PALM2AKAP2: variants seen among roughly 807,000 people sequenced by gnomAD.
PALM2AKAP2 encodes PALM2 and AKAP2 fusion.
PALM2AKAP2 carries 37 observed loss-of-function variants against 71.5 expected under a neutral mutation model. The observed-to-expected ratio is 0.52, with a 90% CI of 0.40 to 0.68. The LOEUF (loss-of-function observed/expected upper bound fraction) is 0.68, where lower values mean the gene tolerates loss of function less well. Ranked by LOEUF, PALM2AKAP2 falls within the 30% of genes least tolerant of loss-of-function variation. PALM2AKAP2 has a pLI of 0.00. For synonymous variants in PALM2AKAP2, 468 were observed against 478.8 expected (o/e 0.98, Z 0.29); for missense variants, 1,224 against 1,191.8 (o/e 1.03, Z -0.40).
intron 6 of PALM2AKAP2, among the ~76,000 whole-genome samples, chr9:109,987,096 C>T (rs1588045762): frequency 6.6e-6 from 1 of 152,076 alleles, no homozygotes; most frequent in Non-Finnish European, 1.5e-5. Context: ...GGATCATGCA[C>T]CTACCCGTTA....
At chr9:110,103,040 C>T (rs1327234788) in intron 1 of PALM2AKAP2, among the ~76,000 whole-genome samples, 1 of 152,186 alleles carries the variant, frequency 6.6e-6, no homozygotes, top group African/African-American at 2.4e-5. Flanking sequence ...TCTACCCACC[C>T]TTTGTGACTT....
At chr9:109,681,568 A>T (rs1827734061) in intron 1 of PALM2AKAP2, among the ~76,000 whole-genome samples, 1 of 152,182 alleles carries the variant, frequency 6.6e-6, no homozygotes, top group Non-Finnish European at 1.5e-5. Flanking sequence ...CCTAATTATG[A>T]GACAAGGTAA....
At chr9:109,774,246 G>A (rs944698100) in intron 1 of PALM2AKAP2, among the ~76,000 whole-genome samples, 4 of 152,168 alleles carry the variant, frequency 2.6e-5, no homozygotes, top group African/African-American at 7.2e-5. Flanking sequence ...CCAATGACCT[G>A]ACTGTGTCTA....
chr9:110,000,808 C>A (rs1030635510), intron 6 of PALM2AKAP2, among the ~76,000 whole-genome samples: 2 of 152,162 alleles, frequency 1.3e-5, no homozygotes, highest in African/African-American at 4.8e-5. Flanking sequence ...GCATAAATGT[C>A]TCCTTTTGAG....
intron 1 of PALM2AKAP2, among the ~76,000 whole-genome samples, chr9:110,116,365 T>C (rs1462944240): frequency 1.3e-5 from 2 of 151,354 alleles, no homozygotes; most frequent in African/African-American, 2.4e-5. Context: ...CGTGTGTGCG[T>C]GTGTGTGTGC....
chr9:110,131,384 T>C (rs570893842), intron 1 of PALM2AKAP2, among the ~76,000 whole-genome samples: 4 of 152,360 alleles, frequency 2.6e-5, no homozygotes, highest in Non-Finnish European at 5.9e-5. Flanking sequence ...CATTGGGGCA[T>C]AGTTCATTTC....
chr9:110,116,373 T>TGC (rs1564313628), intron 1 of PALM2AKAP2, among the ~76,000 whole-genome samples: 1 of 151,902 alleles, frequency 6.6e-6, no homozygotes, highest in South Asian at 2.1e-4. Flanking sequence ...CGTGTGTGTG[T>TGC]GCGTGTGTGT....
At chr9:110,086,069 T>G (rs1834564922) in intron 1 of PALM2AKAP2, among the ~76,000 whole-genome samples, 1 of 144,826 alleles carries the variant, frequency 6.9e-6, no homozygotes, top group South Asian at 2.1e-4. Context: ...ATTGCACTAC[T>G]GCACTCCACC....
At chr9:109,870,274 G>A (rs1829570292) in intron 2 of PALM2AKAP2, among the ~76,000 whole-genome samples, 1 of 152,180 alleles carries the variant, frequency 6.6e-6, no homozygotes, top group East Asian at 1.9e-4. Context: ...TTAGGCACTA[G>A]GAAGGAATAT....
At chr9:109,797,566 G>A (rs10759363) in intron 1 of PALM2AKAP2, among the ~76,000 whole-genome samples, 27,237 of 152,176 alleles carry the variant, frequency 0.18, 2,848 homozygotes, top group East Asian at 0.34. Flanking sequence ...TGGGACTGCT[G>A]GGACCTTTAC....
intron 7 of PALM2AKAP2, among the ~76,000 whole-genome samples, chr9:110,036,105 T>G (rs540440776): frequency 6.6e-6 from 1 of 152,010 alleles, no homozygotes; most frequent in East Asian, 1.9e-4. Flanking sequence ...GGCTAGTTTT[T>G]TTGGTATTTT....
intron 6 of PALM2AKAP2, among the ~76,000 whole-genome samples, chr9:109,981,665 T>C (rs1437107549): frequency 6.6e-6 from 1 of 152,226 alleles, no homozygotes; most frequent in Non-Finnish European, 1.5e-5. Flanking sequence ...TGTTTTTGTT[T>C]TTGAGATAGG....
rs192768625 is a variant in PALM2AKAP2 at position 110,071,211 on chromosome 9, T to C, written c.156+22356T>C. On this transcript the variant is annotated intron_variant, in intron 1 of 3. Coordinates refer to ENST00000374525, the Ensembl canonical transcript of PALM2AKAP2. Reference sequence around the variant, plus strand: ...AGAACCCATCTGAAATTGCCACTTTTATAGGTCAAATGGTCGAATATTAGA... The same window carrying C: ...AGAACCCATCTGAAATTGCCACTTTCATAGGTCAAATGGTCGAATATTAGA... Among the ~76,000 whole-genome samples the C allele has an allele frequency of 2.7e-3, 401 of 147,792 alleles. 1 individual carries two copies. Among genetic ancestry groups the C allele is most frequent in the Middle Eastern group, 0.011 (3 of 268 alleles).
chr9:109,848,778 C>CAA (rs56135332), intron 1 of PALM2AKAP2, among the ~76,000 whole-genome samples: 5 of 112,056 alleles, frequency 4.5e-5, no homozygotes, highest in South Asian at 5.9e-4. Flanking sequence ...CCCATCTCTA[C>CAA]AAAAAAAAAA....
At chr9:109,976,856 CTGAGCCAG>C (rs1276069868) in intron 6 of PALM2AKAP2, among the ~76,000 whole-genome samples, 1 of 152,116 alleles carries the variant, frequency 6.6e-6, no homozygotes, top group Admixed American at 6.5e-5. Flanking sequence ...TAGTAAGTGG[CTGAGCCAG>C]GATGCAAAAC....
chr9:109,777,714 A>T (rs1322942961), upstream of PALM2AKAP2, among the ~76,000 whole-genome samples: 1 of 152,090 alleles, frequency 6.6e-6, no homozygotes, highest in Non-Finnish European at 1.5e-5. Context: ...TGCATCCCCC[A>T]TGACCTTTCA....
At chr9:109,776,863 A>C (rs1829355566), upstream of PALM2AKAP2, among the ~76,000 whole-genome samples, 1 of 152,174 alleles carries the variant, frequency 6.6e-6, no homozygotes, top group African/African-American at 2.4e-5. Context: ...AGCTTTTTTT[A>C]TTGTGGGTCT....
In PALM2AKAP2 at chr9:110,164,665, G is replaced by A. The variant is rs555206608; in HGVS notation, c.2749-3734G>A. ...CATGCCTCAACCTCCTAAGTAGCTG[G>A]GACTACAGGTGGCAGCCACCATGCC... On this transcript the variant is annotated intron_variant, in intron 3 of 3. Coordinates refer to ENST00000374525, the Ensembl canonical transcript of PALM2AKAP2. Among the ~76,000 whole-genome samples, 5 of 151,638 alleles carry A rather than the reference G, an allele frequency of 3.3e-5. No individual in the cohort carries two copies. The South Asian group carries it at 6.3e-4, about 19-fold the overall frequency.
chr9:109,925,135 A>AG, intron 5 of PALM2AKAP2, 53 bp downstream of exon 5: 1 of 1,612,052 alleles, frequency 6.2e-7, no homozygotes, highest in Non-Finnish European at 8.5e-7. Flanking sequence ...TGGTCAGCTT[A>AG]GGGGGTTTCA....
Sources: gnomAD v4.1 joint callset for allele counts (sites outside exome capture counted in the v4.1 genomes callset) on GRCh38, gnomAD v4.1.1 for gene constraint, MANE v1.5 for transcripts, NCBI Gene and HGNC (gene_info 2026-07-23, HGNC 2026-07-21) for gene names.